SLC35F1: variants seen among roughly 807,000 people sequenced by gnomAD.
SLC35F1 encodes the protein chromosome 6 open reading frame 169.
SLC35F1 carries 14 observed loss-of-function variants against 48.7 expected under a neutral mutation model. The observed-to-expected ratio is 0.29, with a 90% confidence interval of 0.19 to 0.45. SLC35F1 has a LOEUF of 0.45. SLC35F1 is among the 20% of genes least tolerant of loss of function. The pLI is 1.00. For synonymous variants in SLC35F1, 190 were observed against 202.2 expected (o/e 0.94, Z 0.51); for missense variants, 404 against 500.0 (o/e 0.81, Z 1.83).
chr6:117,963,941 A>T (rs1034597366), intron 1 of SLC35F1, among the ~76,000 whole-genome samples: 43 of 152,292 alleles, frequency 2.8e-4, no homozygotes, highest in African/African-American at 1.0e-3. Context: ...CCCCACATGC[A>T]TTAAGTATTT....
At chr6:118,001,176 A>C (rs905715898) in intron 1 of SLC35F1, among the ~76,000 whole-genome samples, 3 of 152,386 alleles carry the variant, frequency 2.0e-5, no homozygotes, top group East Asian at 3.9e-4. Context: ...AGCTGGAGGC[A>C]TCACACTACC....
chr6:117,967,470 G>A (rs1252041016), intron 1 of SLC35F1, among the ~76,000 whole-genome samples: 2 of 152,100 alleles, frequency 1.3e-5, no homozygotes, highest in Admixed American at 6.5e-5. Context: ...TCCTACTGAC[G>A]CTTGTGTCCT....
intron 2 of SLC35F1, among the ~76,000 whole-genome samples, chr6:118,210,623 G>C (rs1774990265): frequency 1.3e-5 from 2 of 152,192 alleles, no homozygotes; most frequent in South Asian, 4.1e-4. Flanking sequence ...TTCTCTCCTT[G>C]TGATTATTTA....
intron 1 of SLC35F1, among the ~76,000 whole-genome samples, chr6:118,103,731 G>C (rs565484510): frequency 6.6e-6 from 1 of 152,208 alleles, no homozygotes; most frequent in Non-Finnish European, 1.5e-5. Flanking sequence ...TTTTGAAAGG[G>C]TGGATTATGA....
intron 2 of SLC35F1, among the ~76,000 whole-genome samples, chr6:118,213,277 A>G (rs2114551965): frequency 1.3e-5 from 2 of 152,264 alleles, no homozygotes; most frequent in Middle Eastern, 3.4e-3. Flanking sequence ...TGTTTTTTCT[A>G]GTCTTTATCA....
intron 3 of SLC35F1, among the ~76,000 whole-genome samples, chr6:118,249,180 C>T (rs1015283171): frequency 1.3e-5 from 2 of 152,204 alleles, no homozygotes; most frequent in African/African-American, 2.4e-5. Context: ...GACTGAGGCA[C>T]CACCCTCCAG....
chr6:118,213,228 T>A (rs455227), intron 2 of SLC35F1, among the ~76,000 whole-genome samples: 10,228 of 152,286 alleles, frequency 0.067, 400 homozygotes, highest in South Asian at 0.12. Flanking sequence ...TTATGGCATA[T>A]TATAATTATT....
intron 1 of SLC35F1, among the ~76,000 whole-genome samples, chr6:118,130,327 A>G (rs1773691406): frequency 6.6e-6 from 1 of 152,164 alleles, no homozygotes; most frequent in Non-Finnish European, 1.5e-5. Flanking sequence ...CGTGTGCTTC[A>G]GTTTCTTCAT....
chr6:118,162,381 G>A (rs1051939729), intron 2 of SLC35F1, among the ~76,000 whole-genome samples: 3 of 152,098 alleles, frequency 2.0e-5, no homozygotes, highest in Admixed American at 2.0e-4. Flanking sequence ...GTGGTGGGAG[G>A]ATACTGACTG....
chr6:118,140,494 A>G (rs1773870220), intron 1 of SLC35F1, among the ~76,000 whole-genome samples: 1 of 152,190 alleles, frequency 6.6e-6, no homozygotes, highest in African/African-American at 2.4e-5. Context: ...GTACAGTAAT[A>G]CTTGTACTAT....
intron 1 of SLC35F1, among the ~76,000 whole-genome samples, chr6:117,943,820 C>T (rs546217493): frequency 3.3e-5 from 5 of 152,248 alleles, no homozygotes; most frequent in African/African-American, 1.2e-4. Context: ...CTTTACATCA[C>T]TTTTTATCAT....
intron 1 of SLC35F1, among the ~76,000 whole-genome samples, chr6:118,004,247 T>C (rs909861541): frequency 6.6e-6 from 1 of 152,196 alleles, no homozygotes; most frequent in African/African-American, 2.4e-5. Flanking sequence ...GAAGTTTTCA[T>C]TTTTATTCAT....
rs115195611 is a variant in SLC35F1 at position 117,945,369 on chromosome 6, A to G, written c.173+37470A>G. On this transcript the variant is annotated intron_variant, in intron 1 of 7. Transcript: ENST00000360388. ...TTCCACATATAGTCACAAATTTACT[A>G]CTATTTATTCAGTACTTGCTACATG... Among the ~76,000 whole-genome samples, 256 of 152,306 alleles carry G rather than the reference A, an allele frequency of 1.7e-3. 1 individual carries two copies. The highest frequency in any genetic ancestry group is 6.0e-3 in the African/African-American group (248 of 41,576).
At chr6:118,005,451 C>G (rs1403282226) in intron 1 of SLC35F1, among the ~76,000 whole-genome samples, 4 of 152,124 alleles carry the variant, frequency 2.6e-5, no homozygotes, top group Non-Finnish European at 4.4e-5. Context: ...TTAATAACTA[C>G]CCTTTTAATT....
intron 1 of SLC35F1, among the ~76,000 whole-genome samples, chr6:117,956,836 T>C (rs1776434902): frequency 6.6e-6 from 1 of 152,160 alleles, no homozygotes; most frequent in South Asian, 2.1e-4. Context: ...ACCCTATCCT[T>C]CTCAGTGCAC....
At chr6:117,940,354 C>T (rs536628577) in intron 1 of SLC35F1, among the ~76,000 whole-genome samples, 1 of 152,280 alleles carries the variant, frequency 6.6e-6, no homozygotes, top group Admixed American at 6.5e-5. Context: ...GACATTTAAT[C>T]TATACTAGGA....
intron 1 of SLC35F1, among the ~76,000 whole-genome samples, chr6:117,962,221 C>T (rs1034805219): frequency 1.3e-5 from 2 of 152,112 alleles, no homozygotes; most frequent in African/African-American, 4.8e-5. Flanking sequence ...GACTGCCTTT[C>T]CCATCCTGTC....
At chr6:118,086,955 G>A (rs1468898960) in intron 1 of SLC35F1, among the ~76,000 whole-genome samples, 8 of 152,146 alleles carry the variant, frequency 5.3e-5, no homozygotes. Context: ...ATCTTTAAAA[G>A]CATATCTGTA....
rs564116934 is a variant in SLC35F1 at position 118,316,584 on chromosome 6, G to C, written c.*2332G>C. Reference sequence around the variant, plus strand: ...CATTAATTTGTAGACACTTAGTAAAGTCTTATGAGAAGCAAGTGGATGAAA... The same window carrying C: ...CATTAATTTGTAGACACTTAGTAAACTCTTATGAGAAGCAAGTGGATGAAA... On this transcript the variant is annotated 3_prime_UTR_variant, in exon 8 of 8. Transcript: ENST00000360388. The C allele has an allele frequency of 2.0e-5, 3 of 152,668 alleles. 1 individual carries two copies. Among genetic ancestry groups the C allele is most frequent in the Admixed American group, 2.0e-4 (3 of 15,292 alleles). The allele number at this position is 152,668 out of a possible 1,614,324, so 9.5% of individuals were successfully genotyped here.
Sources: allele counts gnomAD v4.1 joint callset (sites outside exome capture counted in the v4.1 genomes callset), GRCh38; gene constraint gnomAD v4.1.1; transcripts MANE v1.5; gene names NCBI Gene and HGNC (gene_info 2026-07-23, HGNC 2026-07-21).